BRSK1: variants seen among roughly 807,000 people sequenced by gnomAD.
BRSK1 encodes serine/threonine-protein kinase BRSK1.
A neutral mutation model predicts 86.2 loss-of-function variants in BRSK1; 17 were observed. The observed-to-expected ratio is 0.20, with a 90% CI of 0.14 to 0.30. The LOEUF (loss-of-function observed/expected upper bound fraction) is 0.30. Among genes scored for constraint, BRSK1 ranks in the 10% least tolerant of loss-of-function variants. BRSK1 has a pLI of 1.00. For missense variants in BRSK1, 719 were observed against 1,071.9 expected (o/e 0.67, Z 4.60); for synonymous variants, 464 against 440.1 (o/e 1.05, Z -0.68).
At chr19:55,299,070 C>T (rs1390297346) in intron 7 of BRSK1, among the ~76,000 whole-genome samples, 2 of 152,054 alleles carry the variant, frequency 1.3e-5, no homozygotes, top group East Asian at 1.9e-4. Flanking sequence ...GCAGGAGAAT[C>T]GCTTGAACCC....
intron 4 of BRSK1, among the ~76,000 whole-genome samples, chr19:55,290,505 A>G (rs562394125): frequency 2.1e-3 from 314 of 152,332 alleles, no homozygotes; most frequent in Non-Finnish European, 3.3e-3. Context: ...GTCTTTCATC[A>G]GTATACATTT....
chr19:55,297,275 C>T (rs1483907397), intron 7 of BRSK1, among the ~76,000 whole-genome samples: 2 of 152,020 alleles, frequency 1.3e-5, no homozygotes, highest in Non-Finnish European at 2.9e-5. Flanking sequence ...TGGGGTTTCA[C>T]CATTTTGTCC....
chr19:55,308,511 G>A, intron 17 of BRSK1, 128 bp from the exon 18 acceptor site: 3 of 707,638 alleles, frequency 4.2e-6, no homozygotes, highest in South Asian at 2.9e-5. Context: ...GGCCCCAGCG[G>A]AGCAGGGGAG....
At chr19:55,299,367 TTTGG>T (rs200102202) in intron 7 of BRSK1, among the ~76,000 whole-genome samples, 5,832 of 145,894 alleles carry the variant, frequency 0.04, 115 homozygotes, top group Middle Eastern at 0.083. Context: ...TATAATTTGT[TTTGG>T]TTTTTTTTTT....
intron 4 of BRSK1, among the ~76,000 whole-genome samples, chr19:55,292,996 G>A (rs2088431280): frequency 6.6e-6 from 1 of 151,888 alleles, no homozygotes; most frequent in Admixed American, 6.6e-5. Context: ...CAACAGAAAG[G>A]GACCCCATCT....
chr19:55,293,435 G>A (rs1425758865), intron 4 of BRSK1, among the ~76,000 whole-genome samples: 1 of 152,098 alleles, frequency 6.6e-6, no homozygotes, highest in Non-Finnish European at 1.5e-5. Context: ...TCAGGATGCG[G>A]AGGTTGCAGT....
In BRSK1 at chr19:55,304,981, T is replaced by C. The variant is rs2088627969; in HGVS notation, c.1717+61T>C. 6.3e-7 allele frequency: 1 copy of C among 1,584,146 alleles called. No individual in the cohort carries two copies. Among genetic ancestry groups the C allele is most frequent in the South Asian group, 1.1e-5 (1 of 89,146 alleles). Reference sequence around the variant, plus strand: ...GAGAGGTTGGGGCTAAAAATCTGGTTCCAGGGATGTCCGTCTGGCGTGTCT... The same window carrying C: ...GAGAGGTTGGGGCTAAAAATCTGGTCCCAGGGATGTCCGTCTGGCGTGTCT... On this transcript the variant is annotated intron_variant, in intron 14 of 18. Coordinates refer to ENST00000309383, the MANE Select transcript of BRSK1 (RefSeq NM_032430.2). This position sits in a 1 kb window ranked among gnomAD's most constrained non-coding sequence, Gnocchi z 5.2.
chr19:55,294,141 G>C lies in BRSK1; in HGVS notation c.575+8G>C. 2 of 1,611,978 alleles carry C rather than the reference G, an allele frequency of 1.2e-6. No homozygotes were observed. Among genetic ancestry groups the C allele is most frequent in the Non-Finnish European group, 1.7e-6 (2 of 1,178,442 alleles). ...CCTGGAGACCAGCTGCGGGTGAGTG[G>C]GGACTGGGCTCCCGAGACCCTGGGC... On this transcript the variant is annotated splice_region_variant and intron_variant, in intron 5 of 18. Transcript: ENST00000309383. The surrounding 1 kb of genome is among the most constrained non-coding windows in gnomAD (Gnocchi z 4.9).
At position 55,284,490 on chromosome 19, in the gene BRSK1, C is replaced by CGGGG; in HGVS notation, c.48_49insGGGG (p.Leu17GlyfsTer34). 1 of 1,125,956 alleles carries CGGGG rather than the reference C, an allele frequency of 8.9e-7. No homozygotes were observed. Among genetic ancestry groups the CGGGG allele is most frequent in the Non-Finnish European group, 1.2e-6 (1 of 838,972 alleles). The allele number at this position is 1,125,956 out of a possible 1,614,324, so 69.7% of individuals were successfully genotyped here. A position where few individuals can be genotyped will look rare whatever the true frequency, so the allele number is the denominator to read the frequency against. ...GAGGTGGGGGCTCTCCCGCCTACCA[C>CGGGG]CTCCCCCACCCCCACCCCCACCCAC... On this transcript the variant is annotated frameshift_variant, in exon 1 of 19. Transcript: ENST00000309383. LOFTEE classifies it high-confidence loss of function.
In BRSK1 at chr19:55,303,801, T is replaced by C. The variant is rs752386495; in HGVS notation, c.1261T>C (p.Leu421=). The stretch of plus-strand genomic sequence containing the variant: ...CTCCCCTGTACCCACCCGACGGGCC[T>C]TGGAGATGGCCCAGCACAGCCAGAG... The part of the protein sequence containing the change: ...GGSPVPTRRA[L]EMAQHSQRSR... The change falls in exon 12 of 19, where the codon TTG becomes CTG. Residue 421 remains leucine, a synonymous_variant. Transcript: ENST00000309383. The surrounding 1 kb of genome is among the most constrained non-coding windows in gnomAD (Gnocchi z 5.1). 1.1e-5 allele frequency: 17 copies of C among 1,594,964 alleles called. No homozygotes were observed. The highest frequency in any genetic ancestry group is 1.5e-5 in the Non-Finnish European group (17 of 1,169,888).
At chr19:55,293,899 C>T in intron 4 of BRSK1, 118 bp from the exon 5 acceptor site, 2 of 742,232 alleles carry the variant, frequency 2.7e-6, no homozygotes, top group Admixed American at 2.7e-5. Context: ...AATAAATGGT[C>T]TCTCATCCCC....
At position 55,302,960 on chromosome 19, in the gene BRSK1, G is replaced by C. The variant is rs2088594317; in HGVS notation, c.1028+93G>C. The C allele has an allele frequency of 1.3e-6, 2 of 1,483,538 alleles. No homozygotes were observed. Among genetic ancestry groups the C allele is most frequent in the Non-Finnish European group, 1.8e-6 (2 of 1,104,212 alleles). The allele number at this position is 1,483,538 out of a possible 1,614,324, so 91.9% of individuals were successfully genotyped here. A position where few individuals can be genotyped will look rare whatever the true frequency, so the allele number is the denominator to read the frequency against. ...TGCAGAGTGCTGGGCGAGGAACCCT[G>C]GCCTCTCATGGGGCATGGTTTGAAG... On this transcript the variant is annotated intron_variant, in intron 10 of 18. Coordinates refer to ENST00000309383, the MANE Select transcript of BRSK1 (RefSeq NM_032430.2). The surrounding 1 kb of genome is among the most constrained non-coding windows in gnomAD (Gnocchi z 6.3).
intron 7 of BRSK1, among the ~76,000 whole-genome samples, chr19:55,298,395 C>T (rs1374136904): frequency 1.3e-5 from 2 of 151,920 alleles, no homozygotes; most frequent in African/African-American, 4.8e-5. Flanking sequence ...TGGTCTTGAA[C>T]TCCTGACCTC....
At chr19:55,288,209 G>C (rs563138288) in intron 3 of BRSK1, among the ~76,000 whole-genome samples, 1 of 152,080 alleles carries the variant, frequency 6.6e-6, no homozygotes, top group Non-Finnish European at 1.5e-5. Context: ...GGCCAGGCGC[G>C]GTGGCTCATG....
chr19:55,304,154 G>A lies in BRSK1; in HGVS notation c.1347+44G>A. On this transcript the variant is annotated intron_variant, in intron 13 of 18. Transcript: ENST00000309383. This position sits in a 1 kb window ranked among gnomAD's most constrained non-coding sequence, Gnocchi z 5.2. Reference sequence around the variant, plus strand: ...TGGGATTTAAGAAGGAGAAAGGGGTGGAGACATGGAGCAAAGATTGAGTAG... The same window carrying A: ...TGGGATTTAAGAAGGAGAAAGGGGTAGAGACATGGAGCAAAGATTGAGTAG... 1 of 1,547,412 alleles carries A rather than the reference G, an allele frequency of 6.5e-7. No individual in the cohort carries two copies. Among genetic ancestry groups the A allele is most frequent in the Non-Finnish European group, 8.8e-7 (1 of 1,133,152 alleles).
Position 55,284,033 on chromosome 19 carries a change from G to C in BRSK1, c.-410G>C, listed in dbSNP as rs959670826. On this transcript the variant is annotated 5_prime_UTR_variant, in exon 1 of 19. Transcript: ENST00000309383. ...TCAGCGTGCCGGAGAGAAAGGACGAGGTGGCGGGGGGAGGCGGAGAGGAGG... is the reference window on the plus strand; with the variant it reads ...TCAGCGTGCCGGAGAGAAAGGACGACGTGGCGGGGGGAGGCGGAGAGGAGG... The C allele has an allele frequency of 8.4e-4, 1,044 of 1,237,060 alleles. 2 individuals carry two copies. Among genetic ancestry groups the C allele is most frequent in the Non-Finnish European group, 9.9e-4 (982 of 991,206 alleles). 76.6% of individuals were successfully genotyped at this position (1,237,060 alleles called of 1,614,324 possible).
chr19:55,285,708 C>T (rs564087610), intron 1 of BRSK1, among the ~76,000 whole-genome samples: 14 of 152,256 alleles, frequency 9.2e-5, no homozygotes, highest in East Asian at 5.8e-4. Flanking sequence ...CCACCGGCCG[C>T]GGCCTCCTTC....
Position 55,302,630 on chromosome 19 carries a change from G to A in BRSK1, c.858-67G>A. On this transcript the variant is annotated intron_variant, in intron 9 of 18. Transcript: ENST00000309383. The surrounding 1 kb of genome is among the most constrained non-coding windows in gnomAD (Gnocchi z 6.3). ...TCGGATTTCGGGGTCCGGGATCATT[G>A]AGTCTAGAATGAAGAATGCTGAATC... 1.3e-6 allele frequency: 2 copies of A among 1,537,950 alleles called. No individual in the cohort carries two copies. Among genetic ancestry groups the A allele is most frequent in the Non-Finnish European group, 1.8e-6 (2 of 1,136,214 alleles).
rs1363582277 is a variant in BRSK1 at position 55,311,967 on chromosome 19, C to T, written c.2236C>T (p.Pro746Ser). The part of the protein sequence containing the change: ...PAGAPPRSLQ[P>S]PPGRPDPELS... The stretch of plus-strand genomic sequence containing the variant: ...TGGTGCCCCACCCCGAAGCCTGCAG[C>T]CCCCACCCGGCCGCCCAGACCCAGA... The change falls in exon 19 of 19, where the codon CCC becomes TCC. Residue 746 changes from proline to serine, a missense_variant. Around this residue, in one of 6 missense-constraint regions of BRSK1, gnomAD observed 82 missense variants for 72.6 expected, o/e 1.13. Transcript: ENST00000309383. 2 of 1,601,012 alleles carry T rather than the reference C, an allele frequency of 1.2e-6. No individual in the cohort carries two copies. Among genetic ancestry groups the T allele is most frequent in the South Asian group, 1.1e-5 (1 of 89,610 alleles).
Sources: allele counts gnomAD v4.1 joint callset (sites outside exome capture counted in the v4.1 genomes callset), GRCh38; gene constraint gnomAD v4.1.1; regional missense constraint gnomAD v4.1.1; non-coding constraint Gnocchi (gnomAD v3.1); transcripts MANE v1.5; gene names NCBI Gene and HGNC (gene_info 2026-07-23, HGNC 2026-07-21).